Variants in GRK1 observed in about 807,000 individuals in gnomAD.
GRK1 encodes rhodopsin kinase GRK1.
GRK1 carries 28 observed loss-of-function variants against 41.7 expected under a neutral mutation model. The observed-to-expected ratio is 0.67, with a 90% CI of 0.50 to 0.92. GRK1 has a LOEUF of 0.92. Among genes scored for constraint, GRK1 ranks in the 40% least tolerant of loss-of-function variants. GRK1 has a pLI of 0.00. For missense variants in GRK1, 703 were observed against 671.2 expected (o/e 1.05, Z -0.52); for synonymous variants, 327 against 286.7 (o/e 1.14, Z -1.42).
chr13:113,652,153 C>T, the GRK1 span, among the ~76,000 whole-genome samples: 1 of 152,186 alleles, frequency 6.6e-6, no homozygotes, highest in Non-Finnish European at 1.5e-5. Context: ...CACCTCTTCC[C>T]TGGGCTTCTC....
intron 4 of GRK1, among the ~76,000 whole-genome samples, chr13:113,728,998 C>T (rs941887475): frequency 3.3e-5 from 5 of 152,170 alleles, no homozygotes; most frequent in African/African-American, 1.2e-4. Flanking sequence ...CACTGGATTC[C>T]ATCTTCTCTG....
rs2049937474 is a variant in GRK1, at chr13:113,731,511, C to G, written c.1194+168C>G. 1.8e-6 allele frequency: 1 copy of G among 570,944 alleles called. No homozygotes were observed. Among genetic ancestry groups the G allele is most frequent in the Non-Finnish European group, 2.2e-6 (1 of 451,340 alleles). 35.4% of individuals were successfully genotyped at this position (570,944 alleles called of 1,614,324 possible). On this transcript the variant is annotated intron_variant, in intron 5 of 6. Coordinates refer to ENST00000335678, the MANE Select transcript of GRK1 (RefSeq NM_002929.3). This position sits in a 1 kb window ranked among gnomAD's most constrained non-coding sequence, Gnocchi z 5.6. ...GCTGGGGTCTTGCTCCTGGGCCATG[C>G]TGTTCTGTCTCAGTGGGTGACGCCC... is the stretch of plus-strand genomic sequence containing the variant.
At position 113,671,765 on chromosome 13, in the gene GRK1, T is replaced by TG. The variant is rs2049859747; in HGVS notation, c.985+114dup. 2.9e-6 allele frequency: 2 copies of TG among 680,838 alleles called. No individual in the cohort carries two copies. The highest frequency in any genetic ancestry group is 3.1e-5 in the South Asian group (2 of 65,266). The allele number at this position is 680,838 out of a possible 1,614,324, so 42.2% of individuals were successfully genotyped here. On this transcript the variant is annotated intron_variant, in intron 3 of 6. Transcript: ENST00000335678. The surrounding 1 kb of genome is among the most constrained non-coding windows in gnomAD (Gnocchi z 4.1). ...CGAGGGCTGACGGCTGTGTGGACGGTGGGGGTTCATGAGGGCTGACGGCTT... is the reference window on the plus strand; with the variant it reads ...CGAGGGCTGACGGCTGTGTGGACGGTGGGGGGTTCATGAGGGCTGACGGCTT...
At chr13:113,728,168 A>C (rs375185330) in intron 4 of GRK1, among the ~76,000 whole-genome samples, 3 of 42,044 alleles carry the variant, frequency 7.1e-5, no homozygotes, top group South Asian at 8.2e-4. Flanking sequence ...GCGATGAGGA[A>C]TACCCATGGC....
chr13:113,649,486 C>T, the GRK1 span: 37 of 1,554,142 alleles, frequency 2.4e-5, no homozygotes, highest in African/African-American at 4.5e-4. The surrounding 1 kb of genome is among the most constrained non-coding windows in gnomAD (Gnocchi z 4.7). Context: ...CTCAGCGTTC[C>T]TGGGGATGTT....
At chr13:113,653,375 A>G in the GRK1 span, 1 of 1,614,182 alleles carries the variant, frequency 6.2e-7, no homozygotes, top group Non-Finnish European at 8.5e-7. Context: ...CTGTTATCAG[A>G]GACGTTGTAG....
rs2049832085 is a variant in GRK1 at position 113,668,091 on chromosome 13, C to G, written c.699+6C>G. On this transcript the variant is annotated splice_donor_region_variant and intron_variant, in intron 1 of 6. Coordinates refer to ENST00000335678, the MANE Select transcript of GRK1 (RefSeq NM_002929.3). ...AGAAGAGGAAGGGCTACCAGGTGAG[C>G]AGCGCGACCCGGCCAGCAGGGATGG... The G allele has an allele frequency of 2.5e-6, 4 of 1,596,144 alleles. No individual in the cohort carries two copies. Among genetic ancestry groups the G allele is most frequent in the Non-Finnish European group, 3.4e-6 (4 of 1,172,138 alleles).
At position 113,731,164 on chromosome 13, in the gene GRK1, G is replaced by T. The variant is rs778240619; in HGVS notation, c.1070-55G>T. On this transcript the variant is annotated intron_variant, in intron 4 of 6. Coordinates refer to ENST00000335678, the MANE Select transcript of GRK1 (RefSeq NM_002929.3). The surrounding 1 kb of genome is among the most constrained non-coding windows in gnomAD (Gnocchi z 5.6). ...GCATCAGTCCTGCGATTCCTGGAGT[G>T]CGTGCCCACCATGGAGGTGACCACC... 36 of 1,520,144 alleles carry T rather than the reference G, an allele frequency of 2.4e-5. No individual in the cohort carries two copies. Among genetic ancestry groups the T allele is most frequent in the Non-Finnish European group, 3.0e-5 (34 of 1,135,102 alleles). The allele number at this position is 1,520,144 out of a possible 1,614,324, so 94.2% of individuals were successfully genotyped here. A position where few individuals can be genotyped will look rare whatever the true frequency, so the allele number is the denominator to read the frequency against.
the GRK1 span, chr13:113,658,293 T>A: frequency 1.4e-6 from 1 of 733,704 alleles, no homozygotes; most frequent in Non-Finnish European, 2.2e-6. Context: ...CAGGGCCGTT[T>A]ATCAGCGCCG....
At chr13:113,733,430 A>G (rs1287415781) in intron 6 of GRK1, among the ~76,000 whole-genome samples, 3 of 151,642 alleles carry the variant, frequency 2.0e-5, no homozygotes, top group Non-Finnish European at 2.9e-5. Flanking sequence ...TGCCGGGGAG[A>G]AAGTCATCCA....
chr13:113,650,389 G>A, the GRK1 span: 1 of 1,609,404 alleles, frequency 6.2e-7, no homozygotes, highest in Non-Finnish European at 8.5e-7. This position sits in a 1 kb window ranked among gnomAD's most constrained non-coding sequence, Gnocchi z 5.0. Context: ...AGGGAAGCGT[G>A]GAAGGAAGGA....
chr13:113,653,096 C>T, the GRK1 span: 1 of 1,593,774 alleles, frequency 6.3e-7, no homozygotes. Context: ...CACCTGCCAG[C>T]CCTGTCCTGC....
chr13:113,665,254 C>A (rs985727272), upstream of GRK1, among the ~76,000 whole-genome samples: 1 of 152,180 alleles, frequency 6.6e-6, no homozygotes, highest in Non-Finnish European at 1.5e-5. Context: ...TTATTGAGTA[C>A]CTACTGTGTG....
the GRK1 span, chr13:113,653,424 T>C: frequency 2.1e-4 from 338 of 1,614,006 alleles, no homozygotes; most frequent in Non-Finnish European, 2.7e-4. Context: ...CATCCGGCCT[T>C]AAGGTTACCC....
At position 113,667,597 on chromosome 13, in the gene GRK1, C is replaced by G. The variant is rs979559185; in HGVS notation, c.211C>G (p.Leu71Val). 1.9e-6 allele frequency: 3 copies of G among 1,613,496 alleles called. No individual in the cohort carries two copies. Among genetic ancestry groups the G allele is most frequent in the Non-Finnish European group, 2.5e-6 (3 of 1,179,778 alleles). ...VCLEQPIGKK[L>V]FQQFLQSAEK... ...CTTGGAGCAGCCCATCGGCAAGAAG[C>G]TCTTTCAGCAGTTCCTACAATCGGC... is the stretch of plus-strand genomic sequence containing the variant. The change falls in exon 1 of 7, where the codon CTC (leucine) becomes GTC (valine). Residue 71 changes from leucine to valine, a missense_variant. Transcript: ENST00000335678. The surrounding 1 kb of genome is among the most constrained non-coding windows in gnomAD (Gnocchi z 7.5).
rs765088759 is a variant in GRK1, at chr13:113,669,763, C to T, written c.776C>T (p.Thr259Ile). 3.1e-6 allele frequency: 5 copies of T among 1,613,940 alleles called. No individual in the cohort carries two copies. The highest frequency in any genetic ancestry group is 4.2e-6 in the Non-Finnish European group (5 of 1,179,862). ...FIVSLAYAFE[T>I]KADLCLVMTI... ...GTGTCTCTGGCCTATGCGTTTGAAA[C>T]CAAAGCCGACCTCTGTCTGGTGATG... The change falls in exon 2 of 7, where the codon ACC (threonine) becomes ATC (isoleucine). Residue 259 changes from threonine to isoleucine, a missense_variant. By Grantham distance (89) the Thr-to-Ile change is moderately conservative. Transcript: ENST00000335678.
Position 113,669,761 on chromosome 13 carries a change from A to G in GRK1, c.774A>G (p.Glu258=), listed in dbSNP as rs1199176270. The G allele has an allele frequency of 6.2e-7, 1 of 1,613,782 alleles. No individual in the cohort carries two copies. Among genetic ancestry groups the G allele is most frequent in the African/African-American group, 1.3e-5 (1 of 74,860 alleles). Reference sequence around the variant, plus strand: ...TCGTGTCTCTGGCCTATGCGTTTGAAACCAAAGCCGACCTCTGTCTGGTGA... The same window carrying G: ...TCGTGTCTCTGGCCTATGCGTTTGAGACCAAAGCCGACCTCTGTCTGGTGA... ...RFIVSLAYAF[E]TKADLCLVMT... The change falls in exon 2 of 7, where the codon GAA becomes GAG. Residue 258 remains glutamate, a synonymous_variant. Coordinates refer to ENST00000335678, the MANE Select transcript of GRK1 (RefSeq NM_002929.3).
intron 1 of GRK1, 66 bp downstream of exon 1, chr13:113,668,151 A>C (rs950335855): frequency 1.3e-6 from 2 of 1,493,400 alleles, no homozygotes; most frequent in African/African-American, 2.8e-5. Context: ...GGCAGGGTGC[A>C]GAGGGCCCCC....
upstream of GRK1, among the ~76,000 whole-genome samples, chr13:113,664,053 G>A (rs2049803787): frequency 6.6e-6 from 1 of 152,220 alleles, no homozygotes; most frequent in South Asian, 2.1e-4. This position sits in a 1 kb window ranked among gnomAD's most constrained non-coding sequence, Gnocchi z 5.4. Flanking sequence ...GAAACGGACT[G>A]TGGCACTCTC....
Sources: allele counts gnomAD v4.1 joint callset (sites outside exome capture counted in the v4.1 genomes callset), GRCh38; gene constraint gnomAD v4.1.1; non-coding constraint Gnocchi (gnomAD v3.1); transcripts MANE v1.5; gene names NCBI Gene and HGNC (gene_info 2026-07-23, HGNC 2026-07-21).